The following RYR1 variants were observed in gnomAD, a reference collection of about 807,000 sequenced individuals.
The protein encoded by RYR1 is central core disease of muscle.
In RYR1, 342 loss-of-function variants were observed where a neutral mutation model predicts 583.5. The ratio of observed to expected loss-of-function variants is 0.59; its 90% CI spans 0.54 to 0.64. The LOEUF (loss-of-function observed/expected upper bound fraction) is 0.64. Among genes scored for constraint, RYR1 ranks in the 30% least tolerant of loss-of-function variants. RYR1 has a pLI of 0.00. For synonymous variants in RYR1, 2,791 were observed against 2,822.5 expected (o/e 0.99, Z 0.35); for missense variants, 6,032 against 6,917.2 (o/e 0.87, Z 4.54).
chr19:38,468,601 A>G (rs1968251617), intron 25 of RYR1, among the ~76,000 whole-genome samples: 2 of 152,164 alleles, frequency 1.3e-5, no homozygotes, highest in African/African-American at 4.8e-5. Flanking sequence ...CATGTATATA[A>G]GCATATATGG....
intron 67 of RYR1, among the ~76,000 whole-genome samples, chr19:38,519,672 T>G (rs983883076): frequency 6.6e-6 from 1 of 152,020 alleles, no homozygotes; most frequent in African/African-American, 2.4e-5. Flanking sequence ...GTTTTTGGGT[T>G]TTTTTTTGTT....
intron 7 of RYR1, among the ~76,000 whole-genome samples, chr19:38,445,728 C>T (rs754874802): frequency 6.6e-6 from 1 of 152,212 alleles, no homozygotes; most frequent in Non-Finnish European, 1.5e-5. Flanking sequence ...GTGGCTCACG[C>T]CTGTAATCCC....
chr19:38,537,887 G>T lies in RYR1; in HGVS notation c.11616G>T (p.Lys3872Asn). 1.2e-6 allele frequency: 2 copies of T among 1,614,080 alleles called. No individual in the cohort carries two copies. The highest frequency in any genetic ancestry group is 1.7e-6 in the Non-Finnish European group (2 of 1,180,042). The change falls in exon 84 of 106, where the codon AAG (lysine) becomes AAT (asparagine). Residue 3872 changes from lysine (K) to asparagine (N), a missense_variant. By Grantham distance (94) the Lys-to-Asn change is moderately conservative. Coordinates refer to ENST00000359596, the MANE Select transcript of RYR1 (RefSeq NM_000540.3). Reference sequence around the variant, plus strand: ...CCCCTCCCTTCCACCTAGGAGAGAAGGTCATGGCGGATGATGAATTCACAC... The same window carrying T: ...CCCCTCCCTTCCACCTAGGAGAGAATGTCATGGCGGATGATGAATTCACAC... ...GTVINRQNGE[K>N]VMADDEFTQD...
In RYR1 at chr19:38,519,276, A is replaced by G. The variant is rs1461933199; in HGVS notation, c.10081A>G (p.Thr3361Ala). Residue 3361 changes from threonine (T) to alanine (A), a missense_variant, in exon 67 of 106, where the codon ACT becomes GCT. This residue lies in a region of RYR1 where 1,493 missense variants were observed against 1,715.5 expected (regional missense o/e 0.87). Transcript: ENST00000359596. ...GCTCCTGCAGTCCCACTTCATCCCA[A>G]CTATCGGGCGGCTGCGCAAGAGGGC... ...PELLQSHFIP[T>A]IGRLRKRAGK... 6.2e-7 allele frequency: 1 copy of G among 1,613,988 alleles called. No individual in the cohort carries two copies. Among genetic ancestry groups the G allele is most frequent in the Non-Finnish European group, 8.5e-7 (1 of 1,180,006 alleles).
In RYR1 at chr19:38,565,887, C is replaced by T. The variant is rs1973397995; in HGVS notation, c.13437+116C>T. The T allele has an allele frequency of 1.7e-6, 2 of 1,177,616 alleles. No individual in the cohort carries two copies. Among genetic ancestry groups the T allele is most frequent in the South Asian group, 2.6e-5 (1 of 37,806 alleles). The allele number at this position is 1,177,616 out of a possible 1,614,324, so 72.9% of individuals were successfully genotyped here. Reference sequence around the variant, plus strand: ...AGAGAACTGGCTAGGGGGATGGGCACACGCACCCACGGAGGACGCACCCAT... The same window carrying T: ...AGAGAACTGGCTAGGGGGATGGGCATACGCACCCACGGAGGACGCACCCAT... On this transcript the variant is annotated intron_variant, in intron 91 of 105. Transcript: ENST00000359596. This position sits in a 1 kb window ranked among gnomAD's most constrained non-coding sequence, Gnocchi z 4.7.
At chr19:38,510,901 T>C (rs1970697459) in intron 60 of RYR1, 120 bp downstream of exon 60, 5 of 1,442,608 alleles carry the variant, frequency 3.5e-6, no homozygotes, top group Admixed American at 1.9e-5. Flanking sequence ...GCAAAGGCGA[T>C]TGAAGGGTGA....
intron 28 of RYR1, 29 bp from the exon 29 acceptor site, chr19:38,475,289 T>C: frequency 1.3e-6 from 2 of 1,555,778 alleles, no homozygotes; most frequent in Non-Finnish European, 1.7e-6. Context: ...GAAAGCTGGC[T>C]CTCATGGCGC....
At position 38,562,829 on chromosome 19, in the gene RYR1, G is replaced by A. The variant is rs139964548; in HGVS notation, c.12624+1375G>A. ...CACACTTTTGGCATCTTCCCATGCCGCCACGCCCTCCTTACTCCTGATCCC... is the reference window on the plus strand; with the variant it reads ...CACACTTTTGGCATCTTCCCATGCCACCACGCCCTCCTTACTCCTGATCCC... On this transcript the variant is annotated intron_variant, in intron 90 of 105. Coordinates refer to ENST00000359596, the MANE Select transcript of RYR1 (RefSeq NM_000540.3). 2.4e-3 allele frequency among the ~76,000 whole-genome samples: 368 copies of A among 152,192 alleles called. 1 individual carries two copies. Among genetic ancestry groups the A allele is most frequent in the Non-Finnish European group, 4.3e-3 (290 of 67,978 alleles).
chr19:38,464,632 C>T lies in RYR1; in HGVS notation c.2787-7C>T, dbSNP rs1486816697. ...GTGACCTGTCGCCTCCACTCCCCCACCCCCAGGACTCTGCTGGCTCTGGGC... is the reference window on the plus strand; with the variant it reads ...GTGACCTGTCGCCTCCACTCCCCCATCCCCAGGACTCTGCTGGCTCTGGGC... On this transcript the variant is annotated splice_polypyrimidine_tract_variant and splice_region_variant and intron_variant, in intron 22 of 105. Transcript: ENST00000359596. 13 of 1,573,534 alleles carry T rather than the reference C, an allele frequency of 8.3e-6. No homozygotes were observed. The Admixed American group carries it at 9.4e-5, about 11-fold the overall frequency.
chr19:38,538,105 ATC>A (rs915909057), intron 84 of RYR1, 145 bp downstream of exon 84: 1 of 783,674 alleles, frequency 1.3e-6, no homozygotes, highest in Non-Finnish European at 2.1e-6. Context: ...AGCTTTCAAA[ATC>A]TCTCTGGAGG....
In RYR1 at chr19:38,455,761, TC is replaced by T; in HGVS notation, c.1791+11del. On this transcript the variant is annotated intron_variant, in intron 16 of 105. Transcript: ENST00000359596. ...TGGGAGGAACCACAAGGTCGGCCCC[TC>T]ACCCCTGACCTCTCATCCCCTGAAC... 1 of 1,538,838 alleles carries T rather than the reference TC, an allele frequency of 6.5e-7. No individual in the cohort carries two copies. Among genetic ancestry groups the T allele is most frequent in the Non-Finnish European group, 9.0e-7 (1 of 1,112,788 alleles).
chr19:38,583,855 G>A (rs182032458), intron 101 of RYR1, among the ~76,000 whole-genome samples: 19 of 152,096 alleles, frequency 1.2e-4, no homozygotes, highest in African/African-American at 3.9e-4. Context: ...CCTTGACCGC[G>A]GGCTGGGCCA....
chr19:38,456,064 T>TCCCAA (rs1967365566), intron 16 of RYR1, among the ~76,000 whole-genome samples: 1 of 145,742 alleles, frequency 6.9e-6, no homozygotes, highest in Non-Finnish European at 1.5e-5. Flanking sequence ...CTCTGCCTCC[T>TCCCAA]GGGTTCAAGC....
At chr19:38,528,910 A>G (rs1971606320) in intron 75 of RYR1, 41 bp from the exon 76 acceptor site, 1 of 1,591,064 alleles carries the variant, frequency 6.3e-7, no homozygotes, top group East Asian at 2.2e-5. Flanking sequence ...ACAGGAGGGG[A>G]CTCTAGAAAC....
Position 38,466,381 on chromosome 19 carries a change from C to T in RYR1, c.3161C>T (p.Pro1054Leu). The T allele has an allele frequency of 6.4e-7, 1 of 1,552,208 alleles. No individual in the cohort carries two copies. Among genetic ancestry groups the T allele is most frequent in the African/African-American group, 1.4e-5 (1 of 73,294 alleles). Reference protein sequence around the residue: ...TLLGYGYNIEPPDQEPSQVEN... With the variant: ...TLLGYGYNIELPDQEPSQVEN... Reference sequence around the variant, plus strand: ...CTGGGCTACGGCTACAACATCGAGCCTCCTGACCAGGAGCCCAGTGAGTGC... The same window carrying T: ...CTGGGCTACGGCTACAACATCGAGCTTCCTGACCAGGAGCCCAGTGAGTGC... The change falls in exon 24 of 106, where the codon CCT becomes CTT. Residue 1054 changes from proline to leucine, a missense_variant. This residue lies in a region of RYR1 where 2,627 missense variants were observed against 2,961.3 expected (regional missense o/e 0.89). Transcript: ENST00000359596.
intron 83 of RYR1, chr19:38,537,172 G>A (rs371021137): frequency 2.5e-5 from 7 of 281,958 alleles, no homozygotes; most frequent in East Asian, 2.4e-4. Context: ...GTCAGTCAGC[G>A]TTTCCCATCC....
intron 67 of RYR1, among the ~76,000 whole-genome samples, chr19:38,519,710 G>A (rs374594425): frequency 6.6e-5 from 10 of 151,918 alleles, no homozygotes; most frequent in Non-Finnish European, 4.4e-5. Flanking sequence ...ACAGAGCCTC[G>A]CTTTATTGCC....
intron 13 of RYR1, among the ~76,000 whole-genome samples, chr19:38,454,907 G>A (rs750209074): frequency 6.6e-6 from 1 of 152,094 alleles, no homozygotes; most frequent in Non-Finnish European, 1.5e-5. Context: ...GTTGGTGGGA[G>A]TGGGGTTCCT....
At chr19:38,551,486 G>GT (rs1254036463) in intron 89 of RYR1, among the ~76,000 whole-genome samples, 2 of 151,996 alleles carry the variant, frequency 1.3e-5, no homozygotes, top group Non-Finnish European at 2.9e-5. Context: ...CCTTCCAGTT[G>GT]TCCCCCAAGA....
Sources: allele counts gnomAD v4.1 joint callset (sites outside exome capture counted in the v4.1 genomes callset), GRCh38; gene constraint gnomAD v4.1.1; regional missense constraint gnomAD v4.1.1; non-coding constraint Gnocchi (gnomAD v3.1); transcripts MANE v1.5; gene names NCBI Gene and HGNC (gene_info 2026-07-23, HGNC 2026-07-21).